Variants in MEFV observed in about 807,000 individuals in gnomAD.
MEFV encodes the protein pyrin.
A neutral mutation model predicts 62.5 loss-of-function variants in MEFV; 60 were observed. The ratio of observed to expected loss-of-function variants is 0.96; its 90% confidence interval spans 0.78 to 1.19. The LOEUF (loss-of-function observed/expected upper bound fraction) is 1.19. Ranked by LOEUF, MEFV falls within the 50% of genes most tolerant of loss-of-function variation. The probability of loss-of-function intolerance (pLI) is 0.00; values close to 1 mark genes in which losing one functional copy is unlikely to be tolerated. For synonymous variants in MEFV, 500 were observed against 415.2 expected, an observed-to-expected ratio of 1.20 and a Z score of -2.48; for missense variants, 1,169 against 1,004.5, an observed-to-expected ratio of 1.16 and a Z score of -2.21.
At chr16:3,253,701 A>T (rs1360154770) in intron 2 of MEFV, among the ~76,000 whole-genome samples, 1 of 151,814 alleles carries the variant, frequency 6.6e-6, no homozygotes, top group African/African-American at 2.4e-5. Flanking sequence ...AGTTTTGTAG[A>T]AGTGGAGTCT....
chr16:3,254,052 C>G, intron 2 of MEFV, 106 bp downstream of exon 2: 13 of 1,302,850 alleles, frequency 1.0e-5, no homozygotes, highest in Non-Finnish European at 1.4e-5. Flanking sequence ...CAGCAATCCT[C>G]CCGCCCTGGC....
Position 3,256,513 on chromosome 16 carries a change from C to A in MEFV, c.75G>T (p.Lys25Asn). Residue 25 changes from lysine (K) to asparagine (N), a missense_variant, in exon 1 of 10, where the codon AAG becomes AAT. By Grantham distance (94) the Lys-to-Asn change is moderately conservative. Coordinates refer to ENST00000219596, the MANE Select transcript of MEFV (RefSeq NM_000243.3). ...ELVPYDFEKF[K>N]FKLQNTSVQK... ...GCACACTGGTGTTCTGCAGCTTGAA[C>A]TTGAACTTCTCGAAGTCATAGGGCA... is the stretch of plus-strand genomic sequence containing the variant. 1 of 1,614,230 alleles carries A rather than the reference C, an allele frequency of 6.2e-7. No homozygotes were observed. Among genetic ancestry groups the A allele is most frequent in the Non-Finnish European group, 8.5e-7 (1 of 1,180,044 alleles).
At chr16:3,248,003 A>G (rs1958969812) in intron 4 of MEFV, 1 of 151,594 alleles carries the variant, frequency 6.6e-6, no homozygotes, top group South Asian at 2.1e-4. Flanking sequence ...TCACACCTGT[A>G]ATCCCAGCAC....
intron 2 of MEFV, among the ~76,000 whole-genome samples, chr16:3,250,298 T>C (rs1959013156): frequency 6.6e-6 from 1 of 151,946 alleles, no homozygotes; most frequent in South Asian, 2.1e-4. Flanking sequence ...CACATATGAG[T>C]TCAATAACCA....
chr16:3,244,007 A>G (rs1462507668), intron 8 of MEFV, 115 bp from the exon 9 acceptor site: 10 of 1,560,730 alleles, frequency 6.4e-6, no homozygotes, highest in East Asian at 2.4e-5. Flanking sequence ...AGGGCCCTGC[A>G]TGCTATGTTG....
intron 4 of MEFV, chr16:3,248,576 C>A: frequency 2.4e-6 from 1 of 425,452 alleles, no homozygotes; most frequent in Non-Finnish European, 4.0e-6. Flanking sequence ...GGTGACAGAG[C>A]GAGACTCCGT....
At chr16:3,250,407 G>C (rs1199342066) in intron 2 of MEFV, among the ~76,000 whole-genome samples, 1 of 152,068 alleles carries the variant, frequency 6.6e-6, no homozygotes, top group Admixed American at 6.6e-5. Flanking sequence ...TCAGGAGTTT[G>C]AGACCAGCCT....
Position 3,242,970 on chromosome 16 carries a change from T to C in MEFV, c.*171A>G. On this transcript the variant is annotated 3_prime_UTR_variant, in exon 10 of 10. Coordinates refer to ENST00000219596, the MANE Select transcript of MEFV (RefSeq NM_000243.3). ...TCTTCACCCGGATTGACTAACATGT[T>C]CGTTCCTAACTTACCTCTGCTATAA... 1 of 707,602 alleles carries C rather than the reference T, an allele frequency of 1.4e-6. No homozygotes were observed. The highest frequency in any genetic ancestry group is 2.4e-6 in the Non-Finnish European group (1 of 411,324). 43.8% of individuals were successfully genotyped at this position (707,602 alleles called of 1,614,324 possible). A position where few individuals can be genotyped will look rare whatever the true frequency, so the allele number is the denominator to read the frequency against.
At chr16:3,252,080 A>T in intron 2 of MEFV, 1 of 328,008 alleles carries the variant, frequency 3.0e-6, no homozygotes, top group Non-Finnish European at 6.2e-6. Flanking sequence ...AAAAAAATAC[A>T]GTAGGGATAA....
Position 3,254,386 on chromosome 16 carries a change from G to C in MEFV, c.682C>G (p.Pro228Ala). Residue 228 changes from proline to alanine, a missense_variant, in exon 2 of 10, where the codon CCC (proline) becomes GCC (alanine). By Grantham distance (27) the Pro-to-Ala change is conservative. Coordinates refer to ENST00000219596, the MANE Select transcript of MEFV (RefSeq NM_000243.3). ...CCCGAGGGCAGGTACACTTCGAAGGGCCTGCACTCCTTCTGCCCCGGGGCG... is the reference window on the plus strand; with the variant it reads ...CCCGAGGGCAGGTACACTTCGAAGGCCCTGCACTCCTTCTGCCCCGGGGCG... ...GGAPGQKECR[P>A]FEVYLPSGKM... 6.2e-7 allele frequency: 1 copy of C among 1,614,018 alleles called. No individual in the cohort carries two copies.
chr16:3,253,867 T>A (rs567926682), intron 2 of MEFV, among the ~76,000 whole-genome samples: 1 of 152,240 alleles, frequency 6.6e-6, no homozygotes, highest in East Asian at 1.9e-4. Flanking sequence ...CCTAGGCTAG[T>A]ATGGAACTCC....
chr16:3,243,554 A>G lies in MEFV; in HGVS notation c.1933T>C (p.Ser645Pro), dbSNP rs2141665051. Residue 645 changes from serine to proline, a missense_variant, in exon 10 of 10, where the codon TCT (serine) becomes CCT (proline). Ser to Pro is a moderately conservative substitution (Grantham distance 74). Coordinates refer to ENST00000219596, the MANE Select transcript of MEFV (RefSeq NM_000243.3). Reference sequence around the variant, plus strand: ...CGGCGGCCAGAGAGGAAACTCGGAGAGCCCAGAACAATGATACAGCTGTCA... The same window carrying G: ...CGGCGGCCAGAGAGGAAACTCGGAGGGCCCAGAACAATGATACAGCTGTCA... ...RFDSCIIVLGSPSFLSGRRYW... is the reference protein window; with the variant it reads ...RFDSCIIVLGPPSFLSGRRYW... 2 of 1,611,834 alleles carry G rather than the reference A, an allele frequency of 1.2e-6. No individual in the cohort carries two copies. Among genetic ancestry groups the G allele is most frequent in the South Asian group, 2.2e-5 (2 of 90,894 alleles).
chr16:3,256,524 C>T lies in MEFV; in HGVS notation c.64G>A (p.Glu22Lys), dbSNP rs145289162. ...TLEELVPYDF[E>K]KFKFKLQNTS... ...TTCTGCAGCTTGAACTTGAACTTCT[C>T]GAAGTCATAGGGCACCAGCTCCTCC... The change falls in exon 1 of 10, where the codon GAG (glutamate) becomes AAG (lysine). Residue 22 changes from glutamate to lysine, a missense_variant. Coordinates refer to ENST00000219596, the MANE Select transcript of MEFV (RefSeq NM_000243.3). The T allele has an allele frequency of 3.4e-5, 55 of 1,614,060 alleles. No homozygotes were observed. Among genetic ancestry groups the T allele is most frequent in the South Asian group, 1.9e-4 (17 of 91,086 alleles).
chr16:3,249,371 G>T, intron 3 of MEFV, 60 bp downstream of exon 3: 1 of 1,476,320 alleles, frequency 6.8e-7, no homozygotes, highest in African/African-American at 1.4e-5. Flanking sequence ...GGAAAATGAA[G>T]TAAGGCCCAG....
intron 2 of MEFV, among the ~76,000 whole-genome samples, chr16:3,250,573 A>G (rs1959016602): frequency 6.6e-6 from 1 of 151,906 alleles, no homozygotes; most frequent in Non-Finnish European, 1.5e-5. Context: ...AGCCTGGGCA[A>G]CAGAGTAAGA....
intron 1 of MEFV, 46 bp downstream of exon 1, chr16:3,256,265 A>G: frequency 6.2e-7 from 1 of 1,603,196 alleles, no homozygotes; most frequent in African/African-American, 1.3e-5. Flanking sequence ...CCCACAAAGC[A>G]GCCAGCACTC....
chr16:3,254,252 G>C lies in MEFV; in HGVS notation c.816C>G (p.Asp272Glu). Residue 272 changes from aspartate (D) to glutamate (E), a missense_variant, in exon 2 of 10, where the codon GAC becomes GAG. Physicochemically the swap from Asp to Glu is conservative, Grantham distance 45. Transcript: ENST00000219596. ...TLEEKTAANL[D>E]SATEPRARPT... ...GCCTTGCCCGGGGTTCTGTTGCCGA[G>C]TCCAGATTCGCAGCTGTCTTTTCCT... 1 of 1,614,264 alleles carries C rather than the reference G, an allele frequency of 6.2e-7. No individual in the cohort carries two copies. The highest frequency in any genetic ancestry group is 8.5e-7 in the Non-Finnish European group (1 of 1,180,054).
intron 6 of MEFV, among the ~76,000 whole-genome samples, chr16:3,245,237 G>A (rs1397615846): frequency 2.0e-5 from 3 of 151,748 alleles, no homozygotes; most frequent in South Asian, 2.1e-4. Flanking sequence ...GCAGTGAGCT[G>A]TGACTGTGCC....
At position 3,242,085 on chromosome 16, in the gene MEFV, C is replaced by A. The variant is rs450021; in HGVS notation, c.*1056G>T. 92,749 of 155,548 alleles carry A rather than the reference C, an allele frequency of 0.6. 27,975 individuals are homozygous for A. Among genetic ancestry groups the A allele is most frequent in the South Asian group, 0.72 (4,740 of 6,592 alleles). The allele number at this position is 155,548 out of a possible 1,614,324, so 9.6% of individuals were successfully genotyped here. On this transcript the variant is annotated 3_prime_UTR_variant, in exon 10 of 10. Coordinates refer to ENST00000219596, the MANE Select transcript of MEFV (RefSeq NM_000243.3). ...GTCAATTCTCTTAAGAATCATGGCCCGGCATGGTGGCTCATGCCTGTAATC... is the reference window on the plus strand; with the variant it reads ...GTCAATTCTCTTAAGAATCATGGCCAGGCATGGTGGCTCATGCCTGTAATC...
Sources: allele counts gnomAD v4.1 joint callset (sites outside exome capture counted in the v4.1 genomes callset), GRCh38; gene constraint gnomAD v4.1.1; transcripts MANE v1.5; gene names NCBI Gene and HGNC (gene_info 2026-07-23, HGNC 2026-07-21).